Variants in CSPP1 observed in about 807,000 individuals in gnomAD.
CSPP1 encodes the protein centrosome and spindle pole associated protein 1.
CSPP1 carries 126 observed loss-of-function variants against 164.4 expected under a neutral mutation model. The ratio of observed to expected loss-of-function variants is 0.77; its 90% CI spans 0.66 to 0.89. CSPP1 has a LOEUF of 0.89. CSPP1 is among the 40% of genes least tolerant of loss of function. The probability of loss-of-function intolerance (pLI) is 0.00; values close to 1 mark genes in which losing one functional copy is unlikely to be tolerated. For missense variants in CSPP1, 1,395 were observed against 1,449.8 expected (o/e 0.96, Z 0.61); for synonymous variants, 472 against 476.7 (o/e 0.99, Z 0.13).
chr8:67,100,468 G>A (rs16933158), intron 7 of CSPP1, among the ~76,000 whole-genome samples: 303 of 152,148 alleles, frequency 2.0e-3, no homozygotes, highest in Middle Eastern at 6.8e-3. Flanking sequence ...AATTAAGGAA[G>A]CCACAAGCCC....
At chr8:67,146,589 C>T (rs1322448206) in intron 17 of CSPP1, among the ~76,000 whole-genome samples, 2 of 152,044 alleles carry the variant, frequency 1.3e-5, no homozygotes, top group African/African-American at 2.4e-5. Flanking sequence ...TTGCTTAGCT[C>T]TCTGAATTAG....
chr8:67,156,786 T>C (rs1586583772), intron 19 of CSPP1, among the ~76,000 whole-genome samples: 1 of 152,224 alleles, frequency 6.6e-6, no homozygotes, highest in Non-Finnish European at 1.5e-5. Flanking sequence ...TTGGTGAATA[T>C]TAATAACACT....
At chr8:67,074,376 C>G (rs1464952472) in intron 2 of CSPP1, 25 bp downstream of exon 2, 1 of 1,404,812 alleles carries the variant, frequency 7.1e-7, no homozygotes, top group Admixed American at 1.8e-5. Flanking sequence ...TTTCTTTGAA[C>G]ATGTTTTATT....
In CSPP1 at chr8:67,074,929, C is replaced by T. The variant is rs552008215; in HGVS notation, c.99+578C>T. 283 of 162,090 alleles carry T rather than the reference C, an allele frequency of 1.7e-3. 1 individual carries two copies. Among genetic ancestry groups the T allele is most frequent in the Admixed American group, 2.4e-3 (37 of 15,468 alleles). 10.0% of individuals were successfully genotyped at this position (162,090 alleles called of 1,614,324 possible). On this transcript the variant is annotated intron_variant, in intron 2 of 30. Transcript: ENST00000678616. ...ATGAGTAGCTGGGACTACAGGTGCC[C>T]GCCACTATGCCTGGCTAATTTTTGT... is the stretch of plus-strand genomic sequence containing the variant.
At chr8:67,111,136 C>T (rs1314587523) in intron 9 of CSPP1, among the ~76,000 whole-genome samples, 2 of 152,072 alleles carry the variant, frequency 1.3e-5, no homozygotes, top group Non-Finnish European at 2.9e-5. Context: ...TCTTGATACC[C>T]TGTGATTTTT....
At chr8:67,194,538 A>G (rs1175345255) in intron 30 of CSPP1, among the ~76,000 whole-genome samples, 2 of 152,210 alleles carry the variant, frequency 1.3e-5, no homozygotes, top group Admixed American at 6.5e-5. Context: ...TTTAACAGGA[A>G]TATATTTGAG....
Position 67,149,947 on chromosome 8 carries a change from C to CTTTTTTTTTT in CSPP1, c.2128+27_2128+36dup, listed in dbSNP as rs11296619. On this transcript the variant is annotated intron_variant, in intron 18 of 30. Coordinates refer to ENST00000678616, the MANE Select transcript of CSPP1 (RefSeq NM_001382391.1). ...AAATAAAAGCTCAGGTTTTTAATCA[C>CTTTTTTTTTT]TTTTTTTTTTTTTTTTTTTTTTTTA... The CTTTTTTTTTT allele has an allele frequency of 1.7e-5, 19 of 1,139,130 alleles. No homozygotes were observed. Among genetic ancestry groups the CTTTTTTTTTT allele is most frequent in the Admixed American group, 7.7e-5 (2 of 26,026 alleles). The allele number at this position is 1,139,130 out of a possible 1,614,324, so 70.6% of individuals were successfully genotyped here.
At chr8:67,169,983 A>G (rs1830166118) in intron 24 of CSPP1, among the ~76,000 whole-genome samples, 1 of 152,054 alleles carries the variant, frequency 6.6e-6, no homozygotes, top group Non-Finnish European at 1.5e-5. Context: ...CCTGAGTTCA[A>G]GCAATACGTC....
Position 67,190,670 on chromosome 8 carries a change from C to A in CSPP1, c.3241C>A (p.Pro1081Thr). 1 of 1,614,030 alleles carries A rather than the reference C, an allele frequency of 6.2e-7. No individual in the cohort carries two copies. Among genetic ancestry groups the A allele is most frequent in the Non-Finnish European group, 8.5e-7 (1 of 1,179,892 alleles). Residue 1081 changes from proline to threonine, a missense_variant, in exon 29 of 31, where the codon CCT (proline) becomes ACT (threonine). Transcript: ENST00000678616. ...AFIGAYGETY[P>T]AIEDDVLPPP... Reference sequence around the variant, plus strand: ...CTTAGGGGCTTACGGTGAGACATATCCTGCCATTGAAGATGACGTCCTCCC... The same window carrying A: ...CTTAGGGGCTTACGGTGAGACATATACTGCCATTGAAGATGACGTCCTCCC...
chr8:67,096,368 C>A (rs1389160223), intron 7 of CSPP1, among the ~76,000 whole-genome samples: 1 of 151,680 alleles, frequency 6.6e-6, no homozygotes. Flanking sequence ...AGGTTGAGAC[C>A]AGCCTGACCA....
chr8:67,186,418 TAAAA>T (rs60962928), intron 28 of CSPP1, among the ~76,000 whole-genome samples: 1,744 of 140,510 alleles, frequency 0.012, 17 homozygotes, highest in Non-Finnish European at 0.019. Context: ...TGTTTTAAAT[TAAAA>T]AAAAAAAAAA....
intron 18 of CSPP1, among the ~76,000 whole-genome samples, chr8:67,153,050 A>C (rs948318573): frequency 1.3e-5 from 2 of 152,070 alleles, no homozygotes; most frequent in African/African-American, 4.8e-5. Flanking sequence ...ATACAAAAAA[A>C]AATTAGCCAG....
At chr8:67,075,657 G>A (rs1045797562) in intron 2 of CSPP1, among the ~76,000 whole-genome samples, 5 of 152,144 alleles carry the variant, frequency 3.3e-5, no homozygotes, top group African/African-American at 9.7e-5. Flanking sequence ...GCTTGTCCTC[G>A]GAACCAACAT....
chr8:67,113,704 T>G (rs1166602487), intron 10 of CSPP1, 101 bp from the exon 11 acceptor site: 2 of 595,860 alleles, frequency 3.4e-6, no homozygotes, highest in Admixed American at 6.2e-5. Context: ...TTTTTGTAGA[T>G]GTAGTGCATA....
At chr8:67,086,572 T>G (rs73256669) in intron 4 of CSPP1, among the ~76,000 whole-genome samples, 2,206 of 152,292 alleles carry the variant, frequency 0.014, 53 homozygotes, top group African/African-American at 0.049. Flanking sequence ...ATGTTTTACT[T>G]AGCAGAACTC....
chr8:67,103,106 CAT>C lies in CSPP1; in HGVS notation c.995_996del (p.Ile332LysfsTer6). On this transcript the variant is annotated frameshift_variant, in exon 8 of 31. Coordinates refer to ENST00000678616, the MANE Select transcript of CSPP1 (RefSeq NM_001382391.1). LOFTEE classifies it high-confidence loss of function. ...ATGGGGATGTTATAGAACAGTCAAA[CAT>C]AAGAATTTCATCTGCTGAAAATAAA... ...HDGDVIEQSN[I>X]RISSAENKSA... 6.2e-7 allele frequency: 1 copy of C among 1,605,920 alleles called. No homozygotes were observed. Among genetic ancestry groups the C allele is most frequent in the Non-Finnish European group, 8.5e-7 (1 of 1,172,862 alleles).
At chr8:67,150,033 A>G in intron 18 of CSPP1, 98 bp downstream of exon 18, 1 of 1,249,764 alleles carries the variant, frequency 8.0e-7, no homozygotes, top group African/African-American at 1.6e-5. Context: ...TGGGATCTTG[A>G]GAATTTGGCT....
intron 17 of CSPP1, among the ~76,000 whole-genome samples, chr8:67,147,548 AC>A (rs1327817456): frequency 2.0e-5 from 3 of 151,770 alleles, no homozygotes; most frequent in African/African-American, 7.3e-5. Context: ...TCTAGCTTGT[AC>A]CCCCGCGCCC....
At chr8:67,161,704 CT>C (rs1270405817) in intron 21 of CSPP1, 106 bp from the exon 22 acceptor site, 11 of 591,274 alleles carry the variant, frequency 1.9e-5, no homozygotes, top group Non-Finnish European at 3.3e-5. Context: ...CAATAACAAT[CT>C]AAACTTCTTA....
Sources: allele counts gnomAD v4.1 joint callset (sites outside exome capture counted in the v4.1 genomes callset), GRCh38; gene constraint gnomAD v4.1.1; transcripts MANE v1.5; gene names NCBI Gene and HGNC (gene_info 2026-07-23, HGNC 2026-07-21).